The following OSBP variants were observed in gnomAD, a reference collection of about 807,000 sequenced individuals.
OSBP encodes the protein oxysterol binding protein.
Under a neutral mutation model 96.6 loss-of-function variants are expected in OSBP, and 32 were observed. That is an observed-to-expected ratio of 0.33 (90% confidence interval 0.25 to 0.45). The LOEUF (loss-of-function observed/expected upper bound fraction) is 0.45, where lower values mean the gene tolerates loss of function less well. Among genes scored for constraint, OSBP ranks in the 20% least tolerant of loss-of-function variants. OSBP has a pLI of 1.00. For synonymous variants in OSBP, 369 were observed against 389.6 expected, an observed-to-expected ratio of 0.95 and a Z score of 0.62; for missense variants, 653 against 1,029.7, an observed-to-expected ratio of 0.63 and a Z score of 5.01.
chr11:59,607,525 T>C (rs1161446442), intron 3 of OSBP, among the ~76,000 whole-genome samples: 1 of 152,114 alleles, frequency 6.6e-6, no homozygotes, highest in Non-Finnish European at 1.5e-5. Flanking sequence ...TTTCCCATGG[T>C]CATGGGAAAG....
intron 9 of OSBP, among the ~76,000 whole-genome samples, chr11:59,588,527 C>T (rs1312828465): frequency 1.4e-5 from 2 of 145,656 alleles, no homozygotes; most frequent in Non-Finnish European, 1.5e-5. Context: ...GAGAGTGAGA[C>T]TCGGTCTCAA....
intron 9 of OSBP, among the ~76,000 whole-genome samples, chr11:59,589,757 G>T (rs1172264677): frequency 1.3e-5 from 2 of 151,614 alleles, no homozygotes; most frequent in Non-Finnish European, 1.5e-5. Flanking sequence ...GGCCAAGGTG[G>T]GCGGATCATG....
intron 9 of OSBP, among the ~76,000 whole-genome samples, chr11:59,587,122 T>C (rs1012070557): frequency 2.0e-5 from 3 of 152,090 alleles, no homozygotes; most frequent in Non-Finnish European, 4.4e-5. Flanking sequence ...GCAAATCATA[T>C]ATCTGATAAG....
At position 59,600,958 on chromosome 11, in the gene OSBP, C is replaced by T. The variant is rs150654965; in HGVS notation, c.1125-85G>A. The T allele has an allele frequency of 3.6e-6, 4 of 1,121,634 alleles. No homozygotes were observed. In the African/African-American group the frequency reaches 6.1e-5, roughly 17 times the overall value. The allele number at this position is 1,121,634 out of a possible 1,614,324, so 69.5% of individuals were successfully genotyped here. ...GGACATTTCTTTACAAAGCAGAATGCCAAGTACACTGTATAAACTTATTGA... is the reference window on the plus strand; with the variant it reads ...GGACATTTCTTTACAAAGCAGAATGTCAAGTACACTGTATAAACTTATTGA... On this transcript the variant is annotated intron_variant, in intron 5 of 13. Coordinates refer to ENST00000263847, the MANE Select transcript of OSBP (RefSeq NM_002556.3).
At chr11:59,609,290 T>C (rs930172545) in intron 2 of OSBP, among the ~76,000 whole-genome samples, 14 of 152,298 alleles carry the variant, frequency 9.2e-5, no homozygotes, top group African/African-American at 3.1e-4. Flanking sequence ...ATTTGTCTTC[T>C]GAAAGAGAGC....
chr11:59,597,339 C>T (rs1433068411), intron 7 of OSBP, among the ~76,000 whole-genome samples: 1 of 152,020 alleles, frequency 6.6e-6, no homozygotes, highest in Non-Finnish European at 1.5e-5. Flanking sequence ...TGTGGGCCAC[C>T]GCGCATGGCA....
chr11:59,587,239 G>A (rs942428469), intron 9 of OSBP, among the ~76,000 whole-genome samples: 3 of 152,246 alleles, frequency 2.0e-5, no homozygotes, highest in African/African-American at 7.2e-5. Context: ...GGCAGCTCAC[G>A]CCTGTAATCC....
intron 1 of OSBP, among the ~76,000 whole-genome samples, chr11:59,611,930 C>G (rs1860853773): frequency 6.6e-6 from 1 of 152,200 alleles, no homozygotes; most frequent in Admixed American, 6.5e-5. Flanking sequence ...GTGTCATTTC[C>G]CTACCACCCG....
chr11:59,608,927 C>T, intron 2 of OSBP, among the ~76,000 whole-genome samples, 193 bp from the exon 3 acceptor site: 1 of 152,166 alleles, frequency 6.6e-6, no homozygotes, highest in East Asian at 1.9e-4. Flanking sequence ...ACCCCAGGTC[C>T]TTCTCAAAGG....
At chr11:59,594,371 G>C (rs1010652276) in intron 7 of OSBP, 116 bp from the exon 8 acceptor site, 49 of 976,908 alleles carry the variant, frequency 5.0e-5, no homozygotes, top group Admixed American at 3.8e-4. Flanking sequence ...GCTCAGTAGA[G>C]CGGCTCTAAT....
Position 59,608,333 on chromosome 11 carries a change from T to C in OSBP, c.822+151A>G, listed in dbSNP as rs1371061771. ...AATCTGTACAGCCTGTTCTATTTCA[T>C]GCAGTAAACAATGTAACTTAAAGCC... On this transcript the variant is annotated intron_variant, in intron 3 of 13. Transcript: ENST00000263847. 3.8e-5 allele frequency: 34 copies of C among 901,444 alleles called. No individual in the cohort carries two copies. In the East Asian group the frequency reaches 4.6e-4, roughly 12 times the overall value. The allele number at this position is 901,444 out of a possible 1,614,324, so 55.8% of individuals were successfully genotyped here. A position where few individuals can be genotyped will look rare whatever the true frequency, so the allele number is the denominator to read the frequency against.
At chr11:59,594,844 G>C (rs966285636) in intron 7 of OSBP, among the ~76,000 whole-genome samples, 1 of 152,108 alleles carries the variant, frequency 6.6e-6, no homozygotes, top group East Asian at 1.9e-4. Flanking sequence ...GGTTGAGAGG[G>C]GGCTGTGCAT....
Position 59,615,759 on chromosome 11 carries a change from G to C in OSBP, c.-95C>G, listed in dbSNP as rs927182076. ...CCACACGGCTACCGCATCAGCCACC[G>C]CCGCGCAGCGTCCCCGCCCCGCCCG... On this transcript the variant is annotated 5_prime_UTR_variant, in exon 1 of 14. Coordinates refer to ENST00000263847, the MANE Select transcript of OSBP (RefSeq NM_002556.3). 2 of 1,216,168 alleles carry C rather than the reference G, an allele frequency of 1.6e-6. No homozygotes were observed. Among genetic ancestry groups the C allele is most frequent in the African/African-American group, 1.6e-5 (1 of 63,010 alleles). The allele number at this position is 1,216,168 out of a possible 1,614,324, so 75.3% of individuals were successfully genotyped here.
rs773023625 is a variant in OSBP at position 59,581,453 on chromosome 11, G to C, written c.1780C>G (p.Gln594Glu). 6.3e-7 allele frequency: 1 copy of C among 1,589,244 alleles called. No homozygotes were observed. Among genetic ancestry groups the C allele is most frequent in the South Asian group, 1.1e-5 (1 of 89,786 alleles). ...NIIVGKLWID[Q>E]SGEIDIVNHK... ...ACACTTTGGGTACCTTTCCTCACCT[G>C]ATCTATCCACAACTTGCCCACAATA... The change falls in exon 10 of 14, where the codon CAG becomes GAG. Residue 594 changes from glutamine (Q) to glutamate (E), a missense_variant and splice_region_variant. By Grantham distance (29) the Gln-to-Glu change is conservative. Around this residue, in one of 6 missense-constraint regions of OSBP, gnomAD observed 6 missense variants for 26.5 expected, o/e 0.23. Coordinates refer to ENST00000263847, the MANE Select transcript of OSBP (RefSeq NM_002556.3).
At position 59,587,562 on chromosome 11, in the gene OSBP, A is replaced by G. The variant is rs1565115814; in HGVS notation, c.1679-6008T>C. 2.6e-5 allele frequency among the ~76,000 whole-genome samples: 4 copies of G among 152,214 alleles called. 1 individual carries two copies. The highest frequency in any genetic ancestry group is 2.6e-4 in the Admixed American group (4 of 15,266). ...TAGGTATTCCTCCAAAGATATACAAATGATAAGTAAGTACATAAAAAAGTG... is the reference window on the plus strand; with the variant it reads ...TAGGTATTCCTCCAAAGATATACAAGTGATAAGTAAGTACATAAAAAAGTG... On this transcript the variant is annotated intron_variant, in intron 9 of 13. Coordinates refer to ENST00000263847, the MANE Select transcript of OSBP (RefSeq NM_002556.3).
chr11:59,609,491 A>G (rs984097195), intron 2 of OSBP, among the ~76,000 whole-genome samples: 3 of 152,100 alleles, frequency 2.0e-5, no homozygotes, highest in Non-Finnish European at 4.4e-5. Context: ...GCAAGAAAAA[A>G]AAAAAAAAAG....
rs534899737 is a variant in OSBP, at chr11:59,593,668, T to C, written c.1614A>G (p.Thr538=). Residue 538 remains threonine (T), a synonymous_variant, in exon 9 of 14, where the codon ACA becomes ACG. Transcript: ENST00000263847. Reference sequence around the variant, plus strand: ...TGGTGATTTTGATTTCCTGACGCAATGTCCAGCCATTTTTGGACTCAGCAT... The same window carrying C: ...TGGTGATTTTGATTTCCTGACGCAACGTCCAGCCATTTTTGGACTCAGCAT... ...AHHAESKNGW[T]LRQEIKITSK... is the part of the protein sequence containing the mutation. 5 of 1,614,126 alleles carry C rather than the reference T, an allele frequency of 3.1e-6. No individual in the cohort carries two copies. The South Asian group carries it at 3.3e-5, about 11-fold the overall frequency.
rs1259627824 is a variant in OSBP at position 59,576,926 on chromosome 11, G to A, written c.2160C>T (p.Asp720=). ...TAPTDSRLRP[D]QRLMENGRWD... ...AGCGTCCATTTTCCATCAGTCTCTG[G>A]TCAGGTCGTAACCGGCTGTCTGTGG... The change falls in exon 13 of 14, where the codon GAC becomes GAT. Residue 720 remains aspartate (D), a synonymous_variant. Coordinates refer to ENST00000263847, the MANE Select transcript of OSBP (RefSeq NM_002556.3). 5 of 1,614,148 alleles carry A rather than the reference G, an allele frequency of 3.1e-6. No homozygotes were observed. Among genetic ancestry groups the A allele is most frequent in the Non-Finnish European group, 4.2e-6 (5 of 1,180,046 alleles).
At chr11:59,580,780 AGGTGTTGG>A (rs1375370274) in intron 10 of OSBP, among the ~76,000 whole-genome samples, 6 of 152,204 alleles carry the variant, frequency 3.9e-5, no homozygotes, top group Non-Finnish European at 8.8e-5. Context: ...TGGCCTCCCA[AGGTGTTGG>A]GATTATAGGC....
Sources: gnomAD v4.1 joint callset for allele counts (sites outside exome capture counted in the v4.1 genomes callset) on GRCh38, gnomAD v4.1.1 for gene constraint, gnomAD v4.1.1 regional missense constraint, MANE v1.5 for transcripts, NCBI Gene and HGNC (gene_info 2026-07-23, HGNC 2026-07-21) for gene names.